LRRC4C: variants seen among roughly 807,000 people sequenced by gnomAD.
LRRC4C encodes the protein leucine-rich repeat-containing protein 4C.
LRRC4C carries 5 observed loss-of-function variants against 33.6 expected under a neutral mutation model. The ratio of observed to expected loss-of-function variants is 0.15; its 90% confidence interval spans 0.08 to 0.31. The LOEUF is 0.31. LRRC4C is among the 10% of genes least tolerant of loss of function. The pLI is 1.00. For missense variants in LRRC4C, 560 were observed against 796.7 expected (o/e 0.70, Z 3.58); for synonymous variants, 329 against 302.0 (o/e 1.09, Z -0.93).
At chr11:41,157,627 T>G (rs532612996) in intron 1 of LRRC4C, among the ~76,000 whole-genome samples, 2 of 152,272 alleles carry the variant, frequency 1.3e-5, no homozygotes, top group South Asian at 4.1e-4. Context: ...ATCACATCAG[T>G]AATTACAGGG....
At chr11:40,959,153 A>C (rs1698145788) in intron 1 of LRRC4C, among the ~76,000 whole-genome samples, 1 of 151,670 alleles carries the variant, frequency 6.6e-6, no homozygotes. Flanking sequence ...GCCTCTCGAG[A>C]TGACTCTAAT....
chr11:40,860,378 AAATTAAGATGTCAGTGGAAACATGTTTCC>A (rs1164451351), intron 2 of LRRC4C, among the ~76,000 whole-genome samples: 1 of 10,764 alleles, frequency 9.3e-5, no homozygotes, highest in African/African-American at 1.5e-4. Context: ...AAGAAGTCTG[AAATTAAGATGTCAGTGGAAACATGTTTCC>A]TCTGAAATTA....
At chr11:41,359,403 G>C (rs900865414) in intron 1 of LRRC4C, among the ~76,000 whole-genome samples, 5 of 151,934 alleles carry the variant, frequency 3.3e-5, no homozygotes, top group Non-Finnish European at 5.9e-5. Flanking sequence ...TACTACTCGA[G>C]GGGGATGTGG....
intron 4 of LRRC4C, among the ~76,000 whole-genome samples, chr11:40,317,846 G>C (rs1222921587): frequency 6.6e-6 from 1 of 152,098 alleles, no homozygotes; most frequent in Non-Finnish European, 1.5e-5. Context: ...AGAGAAACCA[G>C]GTTCCTCTTT....
intron 4 of LRRC4C, among the ~76,000 whole-genome samples, chr11:40,276,671 A>C: frequency 7.7e-6 from 1 of 130,662 alleles, no homozygotes; most frequent in Non-Finnish European, 1.7e-5. Context: ...TTGGTGGGAA[A>C]CAAGTGTGTG....
intron 1 of LRRC4C, among the ~76,000 whole-genome samples, chr11:41,230,376 A>G (rs1212670875): frequency 6.6e-6 from 1 of 152,012 alleles, no homozygotes; most frequent in Non-Finnish European, 1.5e-5. Flanking sequence ...AGAAAACTAG[A>G]AACCATTGAT....
chr11:40,229,225 C>T (rs1410635652), intron 5 of LRRC4C, among the ~76,000 whole-genome samples: 3 of 152,070 alleles, frequency 2.0e-5, no homozygotes, highest in South Asian at 2.1e-4. Flanking sequence ...TATTTAAAAC[C>T]CCACATTTTA....
Position 40,933,649 on chromosome 11 carries a change from T to A in LRRC4C, c.-421A>T, listed in dbSNP as rs1291132590. ...GTTTCACTCACCTACATTCAGTGTATTAGATGATGTTCCAGCTTATTTGGC... is the reference window on the plus strand; with the variant it reads ...GTTTCACTCACCTACATTCAGTGTAATAGATGATGTTCCAGCTTATTTGGC... On this transcript the variant is annotated 5_prime_UTR_variant, in exon 2 of 7. Coordinates refer to ENST00000528697, the MANE Select transcript of LRRC4C (RefSeq NM_001258419.2). 1 of 152,196 alleles carries A rather than the reference T, an allele frequency of 6.6e-6. No homozygotes were observed. Among genetic ancestry groups the A allele is most frequent in the Non-Finnish European group, 1.5e-5 (1 of 68,044 alleles). The allele number at this position is 152,196 out of a possible 1,614,324, so 9.4% of individuals were successfully genotyped here.
At chr11:40,235,137 T>C (rs1390144822) in intron 5 of LRRC4C, among the ~76,000 whole-genome samples, 1 of 152,240 alleles carries the variant, frequency 6.6e-6, no homozygotes. Flanking sequence ...TTTTGTGGAT[T>C]ATCCACACAT....
intron 1 of LRRC4C, among the ~76,000 whole-genome samples, chr11:41,432,407 C>G (rs764234250): frequency 6.6e-6 from 1 of 152,066 alleles, no homozygotes; most frequent in Non-Finnish European, 1.5e-5. Flanking sequence ...AGAGTAGAAG[C>G]TGACAAATCT....
At chr11:40,573,857 C>T (rs549413081) in intron 3 of LRRC4C, among the ~76,000 whole-genome samples, 1 of 151,512 alleles carries the variant, frequency 6.6e-6, no homozygotes, top group African/African-American at 2.4e-5. Flanking sequence ...CTACAGTCAT[C>T]TTTTTTTTTC....
At chr11:40,576,733 T>C (rs566550962) in intron 3 of LRRC4C, among the ~76,000 whole-genome samples, 2 of 152,346 alleles carry the variant, frequency 1.3e-5, no homozygotes, top group South Asian at 4.1e-4. Flanking sequence ...ATAATTAGTG[T>C]AATTATCACA....
At chr11:40,756,657 A>G (rs1948963180) in intron 2 of LRRC4C, among the ~76,000 whole-genome samples, 1 of 152,120 alleles carries the variant, frequency 6.6e-6, no homozygotes, top group African/African-American at 2.4e-5. Context: ...CTCAAAAGTT[A>G]AACTGGTCAA....
intron 6 of LRRC4C, among the ~76,000 whole-genome samples, chr11:40,127,223 C>T (rs1232379154): frequency 6.6e-6 from 1 of 151,926 alleles, no homozygotes; most frequent in Admixed American, 6.6e-5. Flanking sequence ...TTACAGTCAG[C>T]CAAGATTGTG....
At chr11:40,395,664 C>T (rs998922339) in intron 3 of LRRC4C, among the ~76,000 whole-genome samples, 1 of 152,072 alleles carries the variant, frequency 6.6e-6, no homozygotes, top group Non-Finnish European at 1.5e-5. Context: ...TATTCAATTG[C>T]TTAAAAATTC....
chr11:41,265,087 TA>T (rs758358593), intron 1 of LRRC4C, among the ~76,000 whole-genome samples: 1 of 152,140 alleles, frequency 6.6e-6, no homozygotes, highest in Non-Finnish European at 1.5e-5. Flanking sequence ...AGAAGCTCCA[TA>T]ATTTTAATAA....
At chr11:41,295,007 T>TACAC (rs1950097520) in intron 1 of LRRC4C, among the ~76,000 whole-genome samples, 1 of 152,192 alleles carries the variant, frequency 6.6e-6, no homozygotes, top group African/African-American at 2.4e-5. Context: ...ATAGTACACT[T>TACAC]ACACACGGTT....
At chr11:40,989,771 G>T (rs1397548613) in intron 1 of LRRC4C, among the ~76,000 whole-genome samples, 1 of 151,906 alleles carries the variant, frequency 6.6e-6, no homozygotes, top group African/African-American at 2.4e-5. Flanking sequence ...AATAATCAGA[G>T]AATCTTAGCA....
At chr11:41,017,444 A>G (rs563279618) in intron 1 of LRRC4C, among the ~76,000 whole-genome samples, 35 of 152,310 alleles carry the variant, frequency 2.3e-4, no homozygotes, top group Admixed American at 2.1e-3. Flanking sequence ...ACACTTTGTT[A>G]TCTTACATAC....
Sources: gnomAD v4.1 joint callset for allele counts (sites outside exome capture counted in the v4.1 genomes callset) on GRCh38, gnomAD v4.1.1 for gene constraint, MANE v1.5 for transcripts, NCBI Gene and HGNC (gene_info 2026-07-23, HGNC 2026-07-21) for gene names.